VIPR1: variants seen among roughly 807,000 people sequenced by gnomAD.
VIPR1 encodes vasoactive intestinal polypeptide receptor 1.
Under a neutral mutation model 58.8 loss-of-function variants are expected in VIPR1, and 59 were observed. The observed-to-expected ratio is 1.00, with a 90% CI of 0.81 to 1.25. The LOEUF (loss-of-function observed/expected upper bound fraction) is 1.25. Ranked by LOEUF, VIPR1 falls within the 50% of genes most tolerant of loss-of-function variation. VIPR1 has a pLI of 0.00. For missense variants in VIPR1, 626 were observed against 602.7 expected, an observed-to-expected ratio of 1.04 and a Z score of -0.40; for synonymous variants, 251 against 242.1, an observed-to-expected ratio of 1.04 and a Z score of -0.34.
chr3:42,501,759 CAGG>C (rs1156992069), upstream of VIPR1, among the ~76,000 whole-genome samples: 3 of 152,238 alleles, frequency 2.0e-5, no homozygotes, highest in African/African-American at 4.8e-5. The surrounding 1 kb of genome is among the most constrained non-coding windows in gnomAD (Gnocchi z 4.8). Flanking sequence ...ATAGGGAATG[CAGG>C]AGGAGGACGA....
intron 5 of VIPR1, chr3:42,527,718 G>A: frequency 1.6e-6 from 1 of 633,670 alleles, no homozygotes; most frequent in Non-Finnish European, 2.7e-6. Context: ...CCTGCACCTG[G>A]GGACAGGGCA....
chr3:42,533,528 A>G (rs1028205074), intron 10 of VIPR1: 24 of 151,910 alleles, frequency 1.6e-4, no homozygotes, highest in African/African-American at 5.6e-4. Context: ...CCAACTTACA[A>G]TGGTTCAAAA....
At chr3:42,511,965 T>C (rs1364613035) in intron 1 of VIPR1, 2 of 152,256 alleles carry the variant, frequency 1.3e-5, no homozygotes, top group African/African-American at 4.8e-5. Flanking sequence ...GACAGTTTCC[T>C]TGAAGTCTCC....
chr3:42,523,084 A>C lies in VIPR1; in HGVS notation c.293-2803A>C, dbSNP rs1304280162. Among the ~76,000 whole-genome samples the C allele has an allele frequency of 5.8e-4, 84 of 145,124 alleles. 1 individual carries two copies. Among genetic ancestry groups the C allele is most frequent in the African/African-American group, 1.6e-3 (58 of 37,056 alleles). Reference sequence around the variant, plus strand: ...GACCCCTTCACTGTTGCATGCCCTGACCCCGCCCCCAGTGGAGTGTCCTTC... The same window carrying C: ...GACCCCTTCACTGTTGCATGCCCTGCCCCCGCCCCCAGTGGAGTGTCCTTC... On this transcript the variant is annotated intron_variant, in intron 3 of 12. Transcript: ENST00000325123.
chr3:42,519,165 C>T (rs1048942189), intron 2 of VIPR1, 58 bp from the exon 3 acceptor site: 28 of 1,397,606 alleles, frequency 2.0e-5, no homozygotes, highest in Non-Finnish European at 2.6e-5. Flanking sequence ...CCTCAGGCCC[C>T]AGGGCTGGAG....
rs748019905 is a variant in VIPR1, at chr3:42,532,293, C to T, written c.970C>T (p.Arg324Trp). The T allele has an allele frequency of 1.1e-5, 18 of 1,614,038 alleles. No homozygotes were observed. Among genetic ancestry groups the T allele is most frequent in the East Asian group, 2.2e-5 (1 of 44,884 alleles). The change falls in exon 10 of 13, where the codon CGG becomes TGG. Residue 324 changes from arginine to tryptophan, a missense_variant. Physicochemically the swap from Arg to Trp is moderately radical, Grantham distance 101 (BLOSUM62 -3). Transcript: ENST00000325123. ...CIIRILLQKL[R>W]PPDIRKSDSS... ...CATCCGAATCCTGCTTCAGAAACTG[C>T]GGCCCCCAGATATCAGGAAGAGTGA...
intron 2 of VIPR1, among the ~76,000 whole-genome samples, chr3:42,514,677 G>A (rs779946740): frequency 2.0e-5 from 3 of 151,764 alleles, no homozygotes; most frequent in South Asian, 2.1e-4. Context: ...CTCATTATTC[G>A]GCTGATGAGA....
At position 42,531,470 on chromosome 3, in the gene VIPR1, G is replaced by A; in HGVS notation, c.791-1G>A. ...TCTTTCACTCTCCCTGGGCCTGACA[G>A]GGGTACCCAGCACATTCACCATGGT... is the stretch of plus-strand genomic sequence containing the variant. On this transcript the variant is annotated splice_acceptor_variant, in intron 7 of 12. Coordinates refer to ENST00000325123, the MANE Select transcript of VIPR1 (RefSeq NM_004624.4). LOFTEE classifies it high-confidence loss of function. 2 of 1,579,936 alleles carry A rather than the reference G, an allele frequency of 1.3e-6. No individual in the cohort carries two copies. Among genetic ancestry groups the A allele is most frequent in the Non-Finnish European group, 1.7e-6 (2 of 1,161,646 alleles).
At chr3:42,532,671 C>T in intron 10 of VIPR1, 1 of 394,554 alleles carries the variant, frequency 2.5e-6, no homozygotes, top group Non-Finnish European at 4.7e-6. Flanking sequence ...GCATGTGCCT[C>T]ACATGGAAAA....
At chr3:42,519,199 G>A in intron 2 of VIPR1, 24 bp from the exon 3 acceptor site, 6 of 1,588,394 alleles carry the variant, frequency 3.8e-6, no homozygotes, top group Non-Finnish European at 5.1e-6. Flanking sequence ...GCTCACCCAT[G>A]TGTCTTCTGC....
chr3:42,512,741 C>A (rs1700417040), intron 1 of VIPR1: 1 of 985,436 alleles, frequency 1.0e-6, no homozygotes, highest in African/African-American at 1.7e-5. Flanking sequence ...AACTGACATT[C>A]TTCTCCCAGG....
intron 3 of VIPR1, among the ~76,000 whole-genome samples, chr3:42,523,067 C>T (rs1180200129): frequency 6.6e-6 from 1 of 150,878 alleles, no homozygotes; most frequent in Non-Finnish European, 1.5e-5. Flanking sequence ...CTGACCCCTT[C>T]ACTGTTGCAT....
In VIPR1 at chr3:42,532,011, C is replaced by A. The variant is rs955542203; in HGVS notation, c.918+142C>A. 2.2e-5 allele frequency: 22 copies of A among 1,000,030 alleles called. No homozygotes were observed. In the African/African-American group the frequency reaches 3.2e-4, roughly 15 times the overall value. The allele number at this position is 1,000,030 out of a possible 1,614,324, so 61.9% of individuals were successfully genotyped here. ...TGCCCAATGCAGGATCATCCCCACCCCTGTCCTACCAGTTCTTCCTTGAGC... is the reference window on the plus strand; with the variant it reads ...TGCCCAATGCAGGATCATCCCCACCACTGTCCTACCAGTTCTTCCTTGAGC... On this transcript the variant is annotated intron_variant, in intron 9 of 12. Transcript: ENST00000325123.
Position 42,531,885 on chromosome 3 carries a change from A to T in VIPR1, c.918+16A>T. On this transcript the variant is annotated intron_variant, in intron 9 of 12. Transcript: ENST00000325123. ...CTCCATCTTGGTAAGATACCCTCCC[A>T]CCACCTAGAGATGGGGAAACAGGCC... The T allele has an allele frequency of 6.2e-7, 1 of 1,614,042 alleles. No individual in the cohort carries two copies. Among genetic ancestry groups the T allele is most frequent in the East Asian group, 2.2e-5 (1 of 44,882 alleles).
At chr3:42,511,616 T>C (rs768932098) in intron 1 of VIPR1, 1 of 152,216 alleles carries the variant, frequency 6.6e-6, no homozygotes, top group Non-Finnish European at 1.5e-5. Context: ...TACAGTGTTA[T>C]GAGAGATAAG....
Position 42,536,343 on chromosome 3 carries a change from C to A in VIPR1, c.*62C>A. ...GCCCCTTCCCACTCACCCCGGCAGA[C>A]GCCGGGGACAGAGGCCTGCCCGGGC... On this transcript the variant is annotated 3_prime_UTR_variant, in exon 13 of 13. Transcript: ENST00000325123. 6.9e-7 allele frequency: 1 copy of A among 1,444,640 alleles called. No individual in the cohort carries two copies. Among genetic ancestry groups the A allele is most frequent in the Non-Finnish European group, 9.1e-7 (1 of 1,103,400 alleles). 89.5% of individuals were successfully genotyped at this position (1,444,640 alleles called of 1,614,324 possible). A position where few individuals can be genotyped will look rare whatever the true frequency, so the allele number is the denominator to read the frequency against.
upstream of VIPR1, among the ~76,000 whole-genome samples, chr3:42,498,318 T>G (rs1188210687): frequency 1.3e-5 from 2 of 152,230 alleles, no homozygotes; most frequent in African/African-American, 4.8e-5. Flanking sequence ...GTAGGGTTAC[T>G]AAGGCTTCTA....
chr3:42,503,278 G>A (rs1309597486), intron 1 of VIPR1, among the ~76,000 whole-genome samples: 3 of 152,154 alleles, frequency 2.0e-5, no homozygotes, highest in Non-Finnish European at 2.9e-5. Context: ...AGTGCTGGGG[G>A]CCCCAGGACT....
At chr3:42,496,373 A>G (rs1251870964) in intron 1 of VIPR1, among the ~76,000 whole-genome samples, 3 of 152,248 alleles carry the variant, frequency 2.0e-5, no homozygotes, top group Non-Finnish European at 4.4e-5. Context: ...GTTACATAGT[A>G]TTGTTTGCAG....
Sources: allele counts gnomAD v4.1 joint callset (sites outside exome capture counted in the v4.1 genomes callset), GRCh38; gene constraint gnomAD v4.1.1; non-coding constraint Gnocchi (gnomAD v3.1); transcripts MANE v1.5; gene names NCBI Gene and HGNC (gene_info 2026-07-23, HGNC 2026-07-21).